Variants in KLK8 observed in about 807,000 individuals in gnomAD.
KLK8 encodes the protein kallikrein-8.
In KLK8, 18 loss-of-function variants were observed where a neutral mutation model predicts 26.7. The observed-to-expected ratio is 0.67, with a 90% CI of 0.47 to 1.00. KLK8 has a LOEUF of 1.00. KLK8 is among the 50% of genes least tolerant of loss of function. The pLI is 0.00. For synonymous variants in KLK8, 137 were observed against 127.1 expected (o/e 1.08, Z -0.52); for missense variants, 301 against 331.7 (o/e 0.91, Z 0.72).
intron 6 of KLK8, 45 bp downstream of exon 5, chr19:50,997,706 G>T: frequency 6.2e-7 from 1 of 1,610,308 alleles, no homozygotes; most frequent in South Asian, 1.1e-5. Flanking sequence ...ACCTCGAGAG[G>T]GCAATGAGGG....
intron 6 of KLK8, among the ~76,000 whole-genome samples, chr19:50,997,087 C>T (rs893104447): frequency 7.2e-5 from 11 of 152,046 alleles, no homozygotes; most frequent in African/African-American, 2.4e-4. Context: ...TATTTAGGGA[C>T]CAGTCATTGG....
chr19:51,000,640 G>C, intron 3 of KLK8, 57 bp from the exon 3 acceptor site: 1 of 1,598,280 alleles, frequency 6.3e-7, no homozygotes, highest in African/African-American at 1.3e-5. Context: ...CGAGGGCTGG[G>C]AAGGCCACTG....
chr19:51,001,522 T>A lies in KLK8; in HGVS notation c.-9+10A>T. On this transcript the variant is annotated intron_variant, in intron 2 of 6. Coordinates refer to ENST00000600767, the Ensembl canonical transcript of KLK8. ...CCTGATGTCTGTATCTGAGTACCTCTGCACCTCACCTTCCAGAATCCAGGG... is the reference window on the plus strand; with the variant it reads ...CCTGATGTCTGTATCTGAGTACCTCAGCACCTCACCTTCCAGAATCCAGGG... The A allele has an allele frequency of 4.3e-6, 1 of 234,100 alleles. No individual in the cohort carries two copies. The highest frequency in any genetic ancestry group is 8.4e-6 in the Non-Finnish European group (1 of 119,534). The allele number at this position is 234,100 out of a possible 1,614,324, so 14.5% of individuals were successfully genotyped here.
Position 50,996,344 on chromosome 19 carries a change from C to T in KLK8, c.628-130G>A, listed in dbSNP as rs2091165873. The T allele has an allele frequency of 7.7e-6, 7 of 907,768 alleles. No homozygotes were observed. The South Asian group carries it at 1.1e-4, about 15-fold the overall frequency. The allele number at this position is 907,768 out of a possible 1,614,324, so 56.2% of individuals were successfully genotyped here. On this transcript the variant is annotated intron_variant, in intron 6 of 6. Transcript: ENST00000600767. The stretch of plus-strand genomic sequence containing the variant: ...TAGCCAATGGGGGTAAAAGCATTGT[C>T]CCCTGAGACCAGTCAGGACAGGGCT...
chr19:51,000,042 G>A (rs372470843), exon 5 of KLK8: 2 of 1,612,744 alleles, frequency 1.2e-6, no homozygotes, highest in African/African-American at 1.3e-5. Flanking sequence ...TGCACTTCTG[G>A]CCAGGCTGGG....
At chr19:51,000,004 C>T (rs1362190166) in exon 5 of KLK8, 11 of 1,595,066 alleles carry the variant, frequency 6.9e-6, no homozygotes, top group Non-Finnish European at 9.4e-6. Flanking sequence ...ACCTCGGGGA[C>T]TGGTGACAGT....
At position 51,001,164 on chromosome 19, in the gene KLK8, C is replaced by A. The variant is rs778733962; in HGVS notation, c.4G>T (p.Gly2Ter). 1.2e-6 allele frequency: 2 copies of A among 1,612,880 alleles called. No individual in the cohort carries two copies. The highest frequency in any genetic ancestry group is 1.7e-6 in the Non-Finnish European group (2 of 1,179,742). ...TTGGCCGCACGAGGTCGGGGGCGTC[C>A]CATGGTGAGGTCTGGGAAATGGAGA... The change falls in exon 3 of 7, where the codon GGA becomes TGA. Residue 2 changes from glycine (G) to a stop codon, truncating the protein, a stop_gained. Transcript: ENST00000600767. LOFTEE classifies it high-confidence loss of function.
At chr19:50,999,094 A>G (rs1023040135) in intron 5 of KLK8, 2 of 152,180 alleles carry the variant, frequency 1.3e-5, no homozygotes, top group Admixed American at 6.5e-5. Context: ...GTGAGTCCCA[A>G]TGTTTTCACT....
chr19:51,001,003 CACCCA>C (rs2091219424), intron 3 of KLK8, 90 bp downstream of exon 2: 1 of 1,176,230 alleles, frequency 8.5e-7, no homozygotes, highest in Admixed American at 2.0e-5. Context: ...CGTGCACACG[CACCCA>C]CATAACCCCC....
chr19:50,996,059 T>A, exon 7 of KLK8: 1 of 1,614,102 alleles, frequency 6.2e-7, no homozygotes, highest in Non-Finnish European at 8.5e-7. Context: ...TATCCTAGAA[T>A]CAGCCCTTGC....
intron 5 of KLK8, chr19:50,998,844 A>C (rs890581469): frequency 2.6e-5 from 4 of 152,220 alleles, no homozygotes; most frequent in African/African-American, 9.6e-5. Context: ...GTAGCTAAAA[A>C]ATCTATTGGT....
chr19:51,000,967 C>T, intron 3 of KLK8, 131 bp downstream of exon 2: 1 of 929,058 alleles, frequency 1.1e-6, no homozygotes, highest in East Asian at 2.6e-5. Context: ...ACAGAGGCTC[C>T]TGCACCGTAT....
chr19:50,999,902 T>A, intron 5 of KLK8, 94 bp downstream of exon 4: 1 of 1,319,086 alleles, frequency 7.6e-7, no homozygotes, highest in Non-Finnish European at 1.0e-6. Context: ...CCCTTCTTTG[T>A]CTCCCTCTGG....
chr19:50,996,020 T>A (rs755348254), exon 7 of KLK8: 1 of 1,604,944 alleles, frequency 6.2e-7, no homozygotes, highest in Non-Finnish European at 8.5e-7. Context: ...ACCAGAGAGT[T>A]GTGAGTTTAT....
intron 6 of KLK8, 48 bp from the exon 6 acceptor site, chr19:50,996,262 G>A (rs772714507): frequency 8.2e-6 from 13 of 1,591,250 alleles, no homozygotes; most frequent in South Asian, 2.2e-5. Context: ...TGTCCACAAC[G>A]TCCCTTTTCC....
intron 2 of KLK8, 89 bp from the exon 2 acceptor site, chr19:51,001,264 A>G: frequency 9.0e-7 from 1 of 1,116,080 alleles, no homozygotes; most frequent in South Asian, 1.3e-5. Context: ...GGCAGCCGAG[A>G]GTATCTGGGG....
chr19:50,996,440 G>T (rs1432535088), intron 6 of KLK8, among the ~76,000 whole-genome samples: 1 of 151,708 alleles, frequency 6.6e-6, no homozygotes, highest in Non-Finnish European at 1.5e-5. Flanking sequence ...AGAGGGGAAA[G>T]AATGAAATCC....
chr19:50,999,795 C>G (rs527831019), intron 5 of KLK8, among the ~76,000 whole-genome samples: 1 of 152,052 alleles, frequency 6.6e-6, no homozygotes, highest in African/African-American at 2.4e-5. Flanking sequence ...TAACAATCTG[C>G]TAGTTGGTTC....
In KLK8 at chr19:51,000,476, C is replaced by T. The variant is rs745851461; in HGVS notation, c.178G>A (p.Gly60Ser). 5.0e-6 allele frequency: 8 copies of T among 1,613,716 alleles called. No homozygotes were observed. In the Admixed American group the frequency reaches 5.0e-5, roughly 10 times the overall value. ...ACCCAGTTGCCACCTACAAGGACAC[C>T]GCCACAGAGTAGTTGCTGGCCCTGG... Residue 60 changes from glycine (G) to serine (S), a missense_variant, in exon 4 of 7, where the codon GGT becomes AGT. Physicochemically the swap from Gly to Ser is moderately conservative, Grantham distance 56 (BLOSUM62 0). Coordinates refer to ENST00000600767, the Ensembl canonical transcript of KLK8.
Sources: allele counts gnomAD v4.1 joint callset (sites outside exome capture counted in the v4.1 genomes callset), GRCh38; gene constraint gnomAD v4.1.1; transcripts MANE v1.5; gene names NCBI Gene and HGNC (gene_info 2026-07-23, HGNC 2026-07-21).